The following TAFA1 variants were observed in gnomAD, a reference collection of about 807,000 sequenced individuals.
TAFA1 encodes TAFA chemokine like family member 1, also known as chemokine-like protein TAFA-1.
Under a neutral mutation model 18.5 loss-of-function variants are expected in TAFA1, and 4 were observed. The observed-to-expected ratio is 0.22, with a 90% CI of 0.11 to 0.49. The LOEUF is 0.49. TAFA1 is among the 20% of genes least tolerant of loss of function. TAFA1 has a pLI of 0.98. For missense variants in TAFA1, 147 were observed against 169.0 expected (o/e 0.87, Z 0.72); for synonymous variants, 56 against 55.2 (o/e 1.01, Z -0.06).
At chr3:68,357,861 T>C (rs576839265) in intron 2 of TAFA1, among the ~76,000 whole-genome samples, 2 of 152,050 alleles carry the variant, frequency 1.3e-5, no homozygotes, top group South Asian at 2.1e-4. Flanking sequence ...TGTTTTAGTT[T>C]AGATTTGGGA....
chr3:68,538,490 T>A (rs1483438838), intron 3 of TAFA1, among the ~76,000 whole-genome samples: 1 of 152,190 alleles, frequency 6.6e-6, no homozygotes, highest in Non-Finnish European at 1.5e-5. Flanking sequence ...ATGTTAGGTT[T>A]CTCTTACTGT....
At chr3:68,180,041 T>TATTATTATTATTATTATC (rs2066177564) in intron 2 of TAFA1, among the ~76,000 whole-genome samples, 1 of 149,152 alleles carries the variant, frequency 6.7e-6, no homozygotes, top group Admixed American at 6.7e-5. Context: ...TTATTATTAT[T>TATTATTATTATTATTATC]ATTTGAGAGG....
intron 2 of TAFA1, among the ~76,000 whole-genome samples, chr3:68,387,506 G>T (rs1237325703): frequency 6.6e-6 from 1 of 152,090 alleles, no homozygotes; most frequent in African/African-American, 2.4e-5. Context: ...TCTCAACAGA[G>T]GATTGTGGTA....
intron 2 of TAFA1, among the ~76,000 whole-genome samples, chr3:68,414,360 AG>A (rs1428766555): frequency 6.6e-6 from 1 of 152,090 alleles, no homozygotes; most frequent in African/African-American, 2.4e-5. Flanking sequence ...CTAGGGGAGG[AG>A]GGGCGGCTCG....
chr3:68,427,062 G>C (rs1337756387), intron 3 of TAFA1, among the ~76,000 whole-genome samples: 1 of 151,814 alleles, frequency 6.6e-6, no homozygotes, highest in Admixed American at 6.6e-5. Flanking sequence ...GTGTGAGAGA[G>C]AGAGATAGGT....
At chr3:68,179,849 T>C (rs931652365) in intron 2 of TAFA1, among the ~76,000 whole-genome samples, 4 of 152,036 alleles carry the variant, frequency 2.6e-5, no homozygotes, top group African/African-American at 9.7e-5. Flanking sequence ...GGGAGGACAG[T>C]CTTCCCATCT....
At chr3:68,293,018 G>GTATAAAAGGT (rs1315840878) in intron 2 of TAFA1, among the ~76,000 whole-genome samples, 1 of 148,642 alleles carries the variant, frequency 6.7e-6, no homozygotes, top group Non-Finnish European at 1.5e-5. Flanking sequence ...ACCTTTTTTA[G>GTATAAAAGGT]ACTGTTAGTA....
intron 3 of TAFA1, among the ~76,000 whole-genome samples, chr3:68,536,076 A>G (rs921894188): frequency 1.3e-5 from 2 of 152,180 alleles, no homozygotes; most frequent in Non-Finnish European, 2.9e-5. Flanking sequence ...GGGCCTAATA[A>G]TTTGAAAAGG....
chr3:67,999,287 C>CTGTGTGTTTGTGTG (rs1553702110), upstream of TAFA1, among the ~76,000 whole-genome samples: 1 of 147,662 alleles, frequency 6.8e-6, no homozygotes, highest in Non-Finnish European at 1.5e-5. Flanking sequence ...CCCCCTCTCT[C>CTGTGTGTTTGTGTG]TGTGTGTGTG....
intron 3 of TAFA1, among the ~76,000 whole-genome samples, chr3:68,439,910 T>A (rs1192735892): frequency 6.6e-6 from 1 of 152,048 alleles, no homozygotes; most frequent in Non-Finnish European, 1.5e-5. Flanking sequence ...AATAATAAGA[T>A]CATAATTATG....
chr3:68,221,513 G>A (rs929335450), intron 2 of TAFA1, among the ~76,000 whole-genome samples: 1 of 152,118 alleles, frequency 6.6e-6, no homozygotes, highest in African/African-American at 2.4e-5. Context: ...TTTTTTAAAT[G>A]TCACAGACAA....
At chr3:68,377,927 T>C (rs2069850826) in intron 2 of TAFA1, among the ~76,000 whole-genome samples, 1 of 152,102 alleles carries the variant, frequency 6.6e-6, no homozygotes, top group Admixed American at 6.6e-5. Context: ...CTCCACGTGG[T>C]GATGGGCCTG....
intron 2 of TAFA1, among the ~76,000 whole-genome samples, chr3:68,089,523 T>C (rs966735218): frequency 1.3e-5 from 2 of 152,082 alleles, no homozygotes; most frequent in Non-Finnish European, 2.9e-5. Context: ...CAGTGTAGGG[T>C]ATAAGAGAGA....
chr3:68,313,016 C>A (rs377309372), intron 2 of TAFA1, among the ~76,000 whole-genome samples: 1 of 152,056 alleles, frequency 6.6e-6, no homozygotes, highest in Non-Finnish European at 1.5e-5. Context: ...TGCAGGGAGA[C>A]TCCGATTTTT....
intron 2 of TAFA1, among the ~76,000 whole-genome samples, chr3:68,283,506 T>G (rs1313128943): frequency 6.6e-6 from 1 of 152,220 alleles, no homozygotes; most frequent in Non-Finnish European, 1.5e-5. Context: ...ACCATGACTT[T>G]ACTACATTCC....
chr3:68,429,971 A>C (rs1005449836), intron 3 of TAFA1, among the ~76,000 whole-genome samples: 21 of 151,890 alleles, frequency 1.4e-4, no homozygotes, highest in Admixed American at 1.2e-3. Context: ...TTCATTCAGC[A>C]ATTATTTTTG....
chr3:68,509,684 G>T (rs904870794), intron 3 of TAFA1, among the ~76,000 whole-genome samples: 1 of 152,056 alleles, frequency 6.6e-6, no homozygotes, highest in East Asian at 1.9e-4. Context: ...GTCATTACCA[G>T]CCATTACCAG....
At chr3:68,124,217 T>C (rs1033220799) in intron 2 of TAFA1, among the ~76,000 whole-genome samples, 3 of 152,218 alleles carry the variant, frequency 2.0e-5, no homozygotes, top group Non-Finnish European at 2.9e-5. Context: ...GTAACAGGGA[T>C]TTTATAATTA....
chr3:68,349,672 C>T (rs1260700737), intron 2 of TAFA1, among the ~76,000 whole-genome samples: 3 of 152,196 alleles, frequency 2.0e-5, no homozygotes, highest in African/African-American at 7.2e-5. Context: ...CTTAACTCTG[C>T]CATCGTGGGG....
Sources: allele counts gnomAD v4.1 joint callset (sites outside exome capture counted in the v4.1 genomes callset), GRCh38; gene constraint gnomAD v4.1.1; transcripts MANE v1.5; gene names NCBI Gene and HGNC (gene_info 2026-07-23, HGNC 2026-07-21).